TRIOBP: variants seen among roughly 807,000 people sequenced by gnomAD.
TRIOBP encodes the protein TRIO and F-actin binding protein.
Under a neutral mutation model 238.8 loss-of-function variants are expected in TRIOBP, and 169 were observed. The ratio of observed to expected loss-of-function variants is 0.71; its 90% CI spans 0.62 to 0.80. The LOEUF (loss-of-function observed/expected upper bound fraction) is 0.80, where lower values mean the gene tolerates loss of function less well. Among genes scored for constraint, TRIOBP ranks in the 30% least tolerant of loss-of-function variants. The pLI is 0.00. For missense variants in TRIOBP, 2,838 were observed against 3,122.6 expected, an observed-to-expected ratio of 0.91 and a Z score of 2.17; for synonymous variants, 1,150 against 1,274.4, an observed-to-expected ratio of 0.90 and a Z score of 2.08.
At chr22:37,756,666 C>T (rs1925935774) in intron 15 of TRIOBP, among the ~76,000 whole-genome samples, 1 of 152,192 alleles carries the variant, frequency 6.6e-6, no homozygotes, top group Non-Finnish European at 1.5e-5. Flanking sequence ...TGGTGGGGCT[C>T]GCTCTGCCGT....
intron 2 of TRIOBP, among the ~76,000 whole-genome samples, chr22:37,699,572 A>T (rs577017647): frequency 6.7e-6 from 1 of 149,720 alleles, no homozygotes; most frequent in African/African-American, 2.5e-5. Flanking sequence ...ACAGAGTCTC[A>T]CTCTTATCAC....
chr22:37,746,757 C>A (rs1409300670), intron 11 of TRIOBP, among the ~76,000 whole-genome samples: 2 of 152,250 alleles, frequency 1.3e-5, no homozygotes, highest in Non-Finnish European at 2.9e-5. Context: ...CCCTCCAGCC[C>A]CCTAGACGAA....
At chr22:37,759,427 T>A in intron 17 of TRIOBP, 163 bp downstream of exon 17, 1 of 1,344,734 alleles carries the variant, frequency 7.4e-7, no homozygotes, top group Non-Finnish European at 1.1e-6. Context: ...CTGGTGGGCG[T>A]GATCACTGTG....
chr22:37,773,496 A>G (rs1188214169), intron 23 of TRIOBP, among the ~76,000 whole-genome samples: 1 of 152,132 alleles, frequency 6.6e-6, no homozygotes, highest in Admixed American at 6.5e-5. Context: ...CTGAGATTAC[A>G]GGTGTGAGCC....
intron 3 of TRIOBP, among the ~76,000 whole-genome samples, chr22:37,703,439 TC>T (rs1922763606): frequency 1.3e-5 from 2 of 151,138 alleles, no homozygotes; most frequent in Admixed American, 1.3e-4. Flanking sequence ...CTCACGAACC[TC>T]CGAGGGCCCT....
At chr22:37,754,836 C>T in intron 12 of TRIOBP, 41 bp from the exon 13 acceptor site, 1 of 1,601,162 alleles carries the variant, frequency 6.2e-7, no homozygotes, top group Non-Finnish European at 8.6e-7. Flanking sequence ...GACACCTGTA[C>T]AATCACACAC....
intron 21 of TRIOBP, 65 bp downstream of exon 21, chr22:37,769,440 C>T: frequency 7.0e-7 from 1 of 1,438,022 alleles, no homozygotes. Context: ...TGGGGCACCC[C>T]CGCCATAGGC....
chr22:37,749,144 C>T (rs1272101895), intron 11 of TRIOBP, among the ~76,000 whole-genome samples: 1 of 152,032 alleles, frequency 6.6e-6, no homozygotes, highest in Non-Finnish European at 1.5e-5. Flanking sequence ...CACTTGAGGT[C>T]AGGAGTTCGA....
At chr22:37,713,442 G>T (rs767309407) in intron 5 of TRIOBP, 31 bp downstream of exon 5, 11 of 1,607,600 alleles carry the variant, frequency 6.8e-6, no homozygotes, top group Non-Finnish European at 9.3e-6. Context: ...TGGGGGACAA[G>T]AGTGGCTCAC....
intron 4 of TRIOBP, among the ~76,000 whole-genome samples, chr22:37,712,490 A>G (rs886964418): frequency 6.6e-6 from 1 of 151,970 alleles, no homozygotes; most frequent in Non-Finnish European, 1.5e-5. Context: ...TGCCACCACC[A>G]TGCCCATCTA....
intron 4 of TRIOBP, among the ~76,000 whole-genome samples, chr22:37,712,852 G>A (rs756933020): frequency 4.6e-5 from 7 of 151,782 alleles, no homozygotes; most frequent in Admixed American, 2.6e-4. Flanking sequence ...AGCTACTGGG[G>A]AGGCTGAGGC....
At chr22:37,721,228 G>C (rs1923811756) in intron 6 of TRIOBP, among the ~76,000 whole-genome samples, 1 of 151,998 alleles carries the variant, frequency 6.6e-6, no homozygotes, top group Non-Finnish European at 1.5e-5. Context: ...GGCCAGGCTG[G>C]TCTCGAACTC....
intron 4 of TRIOBP, among the ~76,000 whole-genome samples, chr22:37,711,749 G>A (rs1010745431): frequency 2.0e-5 from 3 of 152,060 alleles, no homozygotes; most frequent in African/African-American, 4.8e-5. Context: ...TGCGTGCATC[G>A]TGGCTTTTGG....
intron 11 of TRIOBP, among the ~76,000 whole-genome samples, chr22:37,748,066 G>A (rs1925376444): frequency 6.6e-6 from 1 of 152,212 alleles, no homozygotes; most frequent in African/African-American, 2.4e-5. Context: ...AGTGTGGACA[G>A]AAACGGGTGG....
intron 6 of TRIOBP, among the ~76,000 whole-genome samples, chr22:37,722,464 C>T (rs371123311): frequency 3.3e-4 from 48 of 145,302 alleles, no homozygotes; most frequent in East Asian, 2.5e-3. Flanking sequence ...TGGTGGCTCA[C>T]GCCTGTAATC....
Position 37,724,146 on chromosome 22 carries a change from C to T in TRIOBP, c.1590C>T (p.Cys530=), listed in dbSNP as rs2145832959. ...RATRDNPRTS[C]AQRDNPRASS... ...CACGAGACAACCCCAGAACATCCTGCGCCCAGCGGGACAATCCCAGAGCCT... is the reference window on the plus strand; with the variant it reads ...CACGAGACAACCCCAGAACATCCTGTGCCCAGCGGGACAATCCCAGAGCCT... The change falls in exon 7 of 24, where the codon TGC becomes TGT. Residue 530 remains cysteine, a synonymous_variant. Coordinates refer to ENST00000644935, the MANE Select transcript of TRIOBP (RefSeq NM_001039141.3). 1.9e-6 allele frequency: 3 copies of T among 1,597,506 alleles called. No homozygotes were observed. Among genetic ancestry groups the T allele is most frequent in the Admixed American group, 1.7e-5 (1 of 58,798 alleles).
chr22:37,718,910 G>A (rs1013423064), intron 6 of TRIOBP, among the ~76,000 whole-genome samples: 18 of 143,536 alleles, frequency 1.3e-4, no homozygotes, highest in Non-Finnish European at 2.3e-4. Flanking sequence ...GCAGTGGCGC[G>A]ATCTCAGCTC....
At position 37,760,741 on chromosome 22, in the gene TRIOBP, C is replaced by T. The variant is rs114349409; in HGVS notation, c.6324+1477C>T. On this transcript the variant is annotated intron_variant, in intron 17 of 23. Transcript: ENST00000644935. ...TGTAATCCCAGCACTTTGGGGAGGC[C>T]GAAGTGGGCAGATCACGAGGTCAGG... is the stretch of plus-strand genomic sequence containing the variant. 3.4e-3 allele frequency among the ~76,000 whole-genome samples: 521 copies of T among 152,020 alleles called. 3 individuals carry two copies. Among genetic ancestry groups the T allele is most frequent in the African/African-American group, 0.012 (494 of 41,478 alleles).
intron 7 of TRIOBP, among the ~76,000 whole-genome samples, chr22:37,732,656 C>G (rs1418735869): frequency 6.6e-6 from 1 of 151,984 alleles, no homozygotes; most frequent in African/African-American, 2.4e-5. Flanking sequence ...AGGCTAAGCG[C>G]TGGGATTCTG....
Sources: allele counts gnomAD v4.1 joint callset (sites outside exome capture counted in the v4.1 genomes callset), GRCh38; gene constraint gnomAD v4.1.1; transcripts MANE v1.5; gene names NCBI Gene and HGNC (gene_info 2026-07-23, HGNC 2026-07-21).